FNBP4: variants seen among roughly 807,000 people sequenced by gnomAD.
FNBP4 encodes formin binding protein 4.
A neutral mutation model predicts 119.3 loss-of-function variants in FNBP4; 34 were observed. That is an observed-to-expected ratio of 0.28 (90% confidence interval 0.22 to 0.38). The LOEUF (loss-of-function observed/expected upper bound fraction) is 0.38. FNBP4 is among the 10% of genes least tolerant of loss of function. The pLI, the probability that FNBP4 is intolerant of heterozygous loss-of-function variation, is 1.00. For missense variants in FNBP4, 1,112 were observed against 1,228.9 expected, an observed-to-expected ratio of 0.90 and a Z score of 1.42; for synonymous variants, 462 against 430.6, an observed-to-expected ratio of 1.07 and a Z score of -0.90.
intron 6 of FNBP4, among the ~76,000 whole-genome samples, chr11:47,750,688 C>CAAAAAAAAAAAAAAA (rs67153479): frequency 8.8e-5 from 6 of 68,062 alleles, no homozygotes; most frequent in African/African-American, 1.9e-4. Context: ...GACTCTGTCT[C>CAAAAAAAAAAAAAAA]AAAAAAAAAA....
chr11:47,759,607 T>C (rs1031154050), intron 2 of FNBP4, among the ~76,000 whole-genome samples: 5 of 152,194 alleles, frequency 3.3e-5, no homozygotes, highest in South Asian at 2.1e-4. Flanking sequence ...GCCACACTTT[T>C]GTATACAGTA....
At chr11:47,722,556 G>A (rs1469347841) in intron 15 of FNBP4, among the ~76,000 whole-genome samples, 1 of 151,574 alleles carries the variant, frequency 6.6e-6, no homozygotes, top group Non-Finnish European at 1.5e-5. Context: ...CTTAAATAAG[G>A]TCCCCCCACT....
At chr11:47,731,993 A>G (rs1192347208) in intron 11 of FNBP4, 3 of 993,664 alleles carry the variant, frequency 3.0e-6, no homozygotes, top group South Asian at 9.3e-5. Context: ...TCTTGATATC[A>G]AACACAGTGA....
intron 8 of FNBP4, among the ~76,000 whole-genome samples, chr11:47,740,435 G>C (rs1214054041): frequency 6.6e-6 from 1 of 150,510 alleles, no homozygotes; most frequent in East Asian, 1.9e-4. Flanking sequence ...ATATAACATG[G>C]CTTATTAAAA....
chr11:47,750,710 A>G (rs1239167050), intron 6 of FNBP4, among the ~76,000 whole-genome samples: 1 of 134,458 alleles, frequency 7.4e-6, no homozygotes, highest in Non-Finnish European at 1.6e-5. Flanking sequence ...AAAAAAAAAA[A>G]AAAAAAAGAA....
chr11:47,747,675 C>T (rs921766122), intron 6 of FNBP4, among the ~76,000 whole-genome samples: 3 of 152,072 alleles, frequency 2.0e-5, no homozygotes, highest in South Asian at 2.1e-4. Flanking sequence ...CTAGGCCGGG[C>T]GCAGTGGCTC....
intron 8 of FNBP4, among the ~76,000 whole-genome samples, chr11:47,741,428 G>T (rs184610853): frequency 6.6e-6 from 1 of 151,642 alleles, no homozygotes; most frequent in Non-Finnish European, 1.5e-5. Flanking sequence ...TTTGCCCTCC[G>T]AAAGTAAATA....
In FNBP4 at chr11:47,732,459, T is replaced by C; in HGVS notation, c.1820+78A>G. 1.9e-6 allele frequency: 3 copies of C among 1,594,266 alleles called. No individual in the cohort carries two copies. The African/African-American group carries it at 4.0e-5, about 21-fold the overall frequency. ...CTCTCAGTCTCCAGACAGGCTGTCA[T>C]GTCGTCAGATGGTGGTGATCACAAA... On this transcript the variant is annotated intron_variant, in intron 11 of 16. Coordinates refer to ENST00000263773, the MANE Select transcript of FNBP4 (RefSeq NM_015308.5). The surrounding 1 kb of genome is among the most constrained non-coding windows in gnomAD (Gnocchi z 4.2).
intron 2 of FNBP4, among the ~76,000 whole-genome samples, chr11:47,762,736 A>G (rs2097638341): frequency 6.6e-6 from 1 of 151,322 alleles, no homozygotes; most frequent in African/African-American, 2.4e-5. Context: ...AACATGGTGA[A>G]CCGTCTCTAC....
In FNBP4 at chr11:47,723,025, G is replaced by T. The variant is rs866282260; in HGVS notation, c.2756C>A (p.Ala919Asp). The change falls in exon 15 of 17, where the codon GCT (alanine) becomes GAT (aspartate). Residue 919 changes from alanine to aspartate, a missense_variant. This residue lies in a region of FNBP4 where 826 missense variants were observed against 988.8 expected (regional missense o/e 0.84). Transcript: ENST00000263773. ...PPPPPPPPPP[A>D]PKMPPPEKTK... ...CTTTTCAGGTGGTGGCATTTTGGGA[G>T]CTGGTGGTGGTGGAGGAGGAGGAGG... 1 of 1,570,992 alleles carries T rather than the reference G, an allele frequency of 6.4e-7. No individual in the cohort carries two copies. Among genetic ancestry groups the T allele is most frequent in the East Asian group, 2.3e-5 (1 of 42,882 alleles).
In FNBP4 at chr11:47,732,495, G is replaced by A; in HGVS notation, c.1820+42C>T. 1.2e-6 allele frequency: 2 copies of A among 1,612,514 alleles called. No homozygotes were observed. The highest frequency in any genetic ancestry group is 1.3e-5 in the African/African-American group (1 of 75,002). ...GGTGGTGATCACAAATCATGTCTGA[G>A]ATGTCAAAGGTGAAAGGTGAAAAGG... On this transcript the variant is annotated intron_variant, in intron 11 of 16. Coordinates refer to ENST00000263773, the MANE Select transcript of FNBP4 (RefSeq NM_015308.5). The surrounding 1 kb of genome is among the most constrained non-coding windows in gnomAD (Gnocchi z 4.2).
At chr11:47,739,530 T>C (rs1309859790) in intron 8 of FNBP4, among the ~76,000 whole-genome samples, 1 of 152,184 alleles carries the variant, frequency 6.6e-6, no homozygotes, top group Non-Finnish European at 1.5e-5. Context: ...CCACTAGGAA[T>C]CTTTACTGCT....
chr11:47,751,365 C>A (rs2097603434), intron 4 of FNBP4, 75 bp from the exon 5 acceptor site: 3 of 1,537,026 alleles, frequency 2.0e-6, no homozygotes, highest in Non-Finnish European at 2.7e-6. Context: ...AAGCCAAAAT[C>A]ACCTAACAGT....
At chr11:47,729,275 G>A in intron 12 of FNBP4, 1 of 985,314 alleles carries the variant, frequency 1.0e-6, no homozygotes, top group Non-Finnish European at 1.2e-6. Context: ...TATACAAATT[G>A]TTCCATGGAG....
chr11:47,733,204 G>T (rs1021520614), intron 10 of FNBP4, among the ~76,000 whole-genome samples: 4 of 152,186 alleles, frequency 2.6e-5, no homozygotes, highest in Non-Finnish European at 4.4e-5. Context: ...TCCAATATGT[G>T]TGAAAATGAG....
chr11:47,716,768 T>C lies in FNBP4; in HGVS notation c.*654A>G, dbSNP rs2097550352. On this transcript the variant is annotated 3_prime_UTR_variant, in exon 17 of 17. Transcript: ENST00000263773. ...GAACAGGGTTAAGACAATGGAGACA[T>C]TAATACATAGAGTGTCTTGTTGTAT... 6.6e-6 allele frequency: 1 copy of C among 152,490 alleles called. No homozygotes were observed. The highest frequency in any genetic ancestry group is 2.4e-5 in the African/African-American group (1 of 41,308). The allele number at this position is 152,490 out of a possible 1,614,324, so 9.4% of individuals were successfully genotyped here. A position where few individuals can be genotyped will look rare whatever the true frequency, so the allele number is the denominator to read the frequency against.
In FNBP4 at chr11:47,736,684, C is replaced by T. The variant is rs1200689724; in HGVS notation, c.1513G>A (p.Val505Ile). 3 of 1,603,914 alleles carry T rather than the reference C, an allele frequency of 1.9e-6. No individual in the cohort carries two copies. Among genetic ancestry groups the T allele is most frequent in the Non-Finnish European group, 2.6e-6 (3 of 1,171,906 alleles). ...TTTATTTTCTCTGGAGATTCTTCTA[C>T]TTCCATCTCTTTATCTGAATTCTCA... ...IDENSDKEME[V>I]EESPEKIKVQ... Residue 505 changes from valine to isoleucine, a missense_variant, in exon 9 of 17, where the codon GTA becomes ATA. Transcript: ENST00000263773.
At chr11:47,759,012 G>C (rs959928842) in intron 2 of FNBP4, among the ~76,000 whole-genome samples, 1 of 148,210 alleles carries the variant, frequency 6.7e-6, no homozygotes, top group African/African-American at 2.5e-5. Flanking sequence ...TCCGCCTCCC[G>C]GGTTCAGGTG....
intron 8 of FNBP4, among the ~76,000 whole-genome samples, chr11:47,739,386 C>T (rs1245064510): frequency 6.6e-6 from 1 of 152,078 alleles, no homozygotes; most frequent in African/African-American, 2.4e-5. Flanking sequence ...TATTAAAAGT[C>T]TTCTATCTGG....
Sources: allele counts gnomAD v4.1 joint callset (sites outside exome capture counted in the v4.1 genomes callset), GRCh38; gene constraint gnomAD v4.1.1; regional missense constraint gnomAD v4.1.1; non-coding constraint Gnocchi (gnomAD v3.1); transcripts MANE v1.5; gene names NCBI Gene and HGNC (gene_info 2026-07-23, HGNC 2026-07-21).